The following ZNF385D variants were observed in gnomAD, a reference collection of about 807,000 sequenced individuals.
ZNF385D encodes the protein zinc finger protein 385D.
In ZNF385D, 15 loss-of-function variants were observed where a neutral mutation model predicts 35.8. That is an observed-to-expected ratio of 0.42 (90% CI 0.28 to 0.64). ZNF385D has a LOEUF of 0.64. ZNF385D is among the 30% of genes least tolerant of loss of function. The pLI, the probability that ZNF385D is intolerant of heterozygous loss-of-function variation, is 0.23. For missense variants in ZNF385D, 474 were observed against 494.6 expected, an observed-to-expected ratio of 0.96 and a Z score of 0.39; for synonymous variants, 212 against 186.8, an observed-to-expected ratio of 1.13 and a Z score of -1.10.
intron 2 of ZNF385D, among the ~76,000 whole-genome samples, chr3:22,236,982 G>C (rs376997456): frequency 1.3e-5 from 2 of 152,054 alleles, no homozygotes; most frequent in African/African-American, 2.4e-5. Flanking sequence ...TCATAATGCT[G>C]CTATGAATAT....
chr3:22,080,750 G>A (rs559935241), intron 3 of ZNF385D, among the ~76,000 whole-genome samples: 3 of 147,450 alleles, frequency 2.0e-5, no homozygotes, highest in Non-Finnish European at 4.4e-5. Flanking sequence ...TAGGGCCTTT[G>A]GGGGGCAATT....
At chr3:21,570,662 G>T (rs1458851203) in intron 2 of ZNF385D, among the ~76,000 whole-genome samples, 1 of 152,152 alleles carries the variant, frequency 6.6e-6, no homozygotes, top group Non-Finnish European at 1.5e-5. Context: ...GATGGTCATA[G>T]AATTTTTATC....
At chr3:22,014,696 A>G (rs991820508) in intron 3 of ZNF385D, among the ~76,000 whole-genome samples, 2 of 137,218 alleles carry the variant, frequency 1.5e-5, no homozygotes, top group Admixed American at 6.9e-5. Flanking sequence ...AAAGAAAAAT[A>G]AAGACTTGAT....
chr3:21,902,904 AAG>A (rs1412283929), intron 3 of ZNF385D, among the ~76,000 whole-genome samples: 1 of 152,142 alleles, frequency 6.6e-6, no homozygotes, highest in Non-Finnish European at 1.5e-5. Flanking sequence ...TGCTTTACTG[AAG>A]AGTTTTATTT....
intron 2 of ZNF385D, among the ~76,000 whole-genome samples, chr3:22,352,591 T>C (rs1411787283): frequency 2.0e-5 from 3 of 152,220 alleles, no homozygotes; most frequent in Admixed American, 6.5e-5. Flanking sequence ...TGGCTTTATC[T>C]TGACCTTACT....
At chr3:21,538,258 G>C (rs2062086148) in intron 3 of ZNF385D, among the ~76,000 whole-genome samples, 1 of 152,038 alleles carries the variant, frequency 6.6e-6, no homozygotes, top group Non-Finnish European at 1.5e-5. Context: ...GGAGTTGAGG[G>C]AGAGAATCAG....
chr3:21,627,493 G>A (rs948172136), intron 2 of ZNF385D, among the ~76,000 whole-genome samples: 3 of 151,908 alleles, frequency 2.0e-5, no homozygotes, highest in African/African-American at 4.8e-5. Flanking sequence ...GTGAAAATCA[G>A]GTCTATTAAT....
chr3:21,885,734 C>CTGTG (rs773651077), intron 3 of ZNF385D, among the ~76,000 whole-genome samples: 2,935 of 131,902 alleles, frequency 0.022, 41 homozygotes, highest in South Asian at 0.048. Flanking sequence ...CAGGGTGTGT[C>CTGTG]TGTGTCTGTG....
At chr3:22,029,056 C>G (rs527938883) in intron 3 of ZNF385D, among the ~76,000 whole-genome samples, 5 of 152,078 alleles carry the variant, frequency 3.3e-5, no homozygotes, top group Non-Finnish European at 5.9e-5. Flanking sequence ...TTCCTGTTCC[C>G]GTGACATTAC....
At chr3:21,813,221 A>AAT (rs1430115166) in intron 3 of ZNF385D, among the ~76,000 whole-genome samples, 6 of 152,000 alleles carry the variant, frequency 3.9e-5, no homozygotes, top group Admixed American at 1.3e-4. Context: ...ACCAAAGGTA[A>AAT]ATAAAACCAC....
chr3:21,534,882 A>C (rs1336360257), intron 3 of ZNF385D, among the ~76,000 whole-genome samples: 1 of 152,106 alleles, frequency 6.6e-6, no homozygotes, highest in East Asian at 1.9e-4. Context: ...GGTTATTGGA[A>C]GTCTATGGAA....
chr3:21,755,881 G>A (rs371405065), upstream of ZNF385D, among the ~76,000 whole-genome samples: 18 of 152,260 alleles, frequency 1.2e-4, 1 homozygote, highest in African/African-American at 3.1e-4. Context: ...AGGATAAATG[G>A]GGAATACACC....
rs140249466 is a variant in ZNF385D at position 21,427,359 on chromosome 3, G to C, written c.674-1689C>G. ...AGTTTAGTTTATGAATGCCTAAGAA[G>C]TTAGTTGGAGATTGACTCTCATCCT... On this transcript the variant is annotated intron_variant, in intron 5 of 7. Coordinates refer to ENST00000281523, the MANE Select transcript of ZNF385D (RefSeq NM_024697.3). 5.2e-3 allele frequency among the ~76,000 whole-genome samples: 794 copies of C among 152,272 alleles called. 7 individuals are homozygous for C. Among genetic ancestry groups the C allele is most frequent in the African/African-American group, 0.018 (761 of 41,558 alleles).
intron 3 of ZNF385D, among the ~76,000 whole-genome samples, chr3:22,057,667 C>T (rs1241206202): frequency 2.0e-5 from 3 of 151,914 alleles, no homozygotes; most frequent in Non-Finnish European, 4.4e-5. Flanking sequence ...GCGCACACCA[C>T]CACATCCGGC....
intron 1 of ZNF385D, among the ~76,000 whole-genome samples, chr3:21,734,604 T>A (rs1363008258): frequency 6.6e-6 from 1 of 151,108 alleles, no homozygotes; most frequent in Non-Finnish European, 1.5e-5. Flanking sequence ...GGTTAAGAAA[T>A]GAGGAGTGAT....
At chr3:22,167,975 C>G (rs1388881280) in intron 3 of ZNF385D, among the ~76,000 whole-genome samples, 2 of 152,088 alleles carry the variant, frequency 1.3e-5, no homozygotes, top group African/African-American at 2.4e-5. Context: ...TATTTTTCTT[C>G]TCATCATTTG....
At chr3:21,929,275 T>C (rs938162722) in intron 3 of ZNF385D, among the ~76,000 whole-genome samples, 8 of 151,994 alleles carry the variant, frequency 5.3e-5, no homozygotes, top group Non-Finnish European at 1.2e-4. Context: ...TCATTTATCA[T>C]AAAACTCTCA....
chr3:21,992,875 G>T (rs1236406938), intron 3 of ZNF385D, among the ~76,000 whole-genome samples: 3 of 152,094 alleles, frequency 2.0e-5, no homozygotes, highest in East Asian at 3.9e-4. Context: ...ATGCATAGCT[G>T]ATGAGTTTCT....
At chr3:21,893,990 A>C (rs1699007830) in intron 3 of ZNF385D, among the ~76,000 whole-genome samples, 1 of 152,192 alleles carries the variant, frequency 6.6e-6, no homozygotes, top group Non-Finnish European at 1.5e-5. Flanking sequence ...ACATGTTCAA[A>C]ACTTTCACCT....
Sources: gnomAD v4.1 joint callset for allele counts (sites outside exome capture counted in the v4.1 genomes callset) on GRCh38, gnomAD v4.1.1 for gene constraint, MANE v1.5 for transcripts, NCBI Gene and HGNC (gene_info 2026-07-23, HGNC 2026-07-21) for gene names.